The following CUX1 variants were observed in gnomAD, a reference collection of about 807,000 sequenced individuals.
CUX1 encodes the protein protein CASP.
In CUX1, 31 loss-of-function variants were observed where a neutral mutation model predicts 158.8. The ratio of observed to expected loss-of-function variants is 0.20; its 90% confidence interval spans 0.15 to 0.26. CUX1 has a LOEUF of 0.26. Ranked by LOEUF, CUX1 falls within the 10% of genes least tolerant of loss-of-function variation. The pLI is 1.00. For missense variants in CUX1, 1,589 were observed against 2,014.6 expected, an observed-to-expected ratio of 0.79 and a Z score of 4.04; for synonymous variants, 879 against 862.1, an observed-to-expected ratio of 1.02 and a Z score of -0.34.
intron 19 of CUX1, chr7:102,280,703 C>G (rs1192218480): frequency 1.6e-6 from 2 of 1,214,782 alleles, no homozygotes; most frequent in African/African-American, 3.0e-5. Flanking sequence ...GCAAGAACAG[C>G]GGGCAGGGTG....
chr7:101,960,891 C>A (rs902255495), intron 2 of CUX1: 1 of 152,188 alleles, frequency 6.6e-6, no homozygotes, highest in African/African-American at 2.4e-5. Flanking sequence ...AGTGCCAGTG[C>A]CCTGTGATTA....
intron 8 of CUX1, among the ~76,000 whole-genome samples, chr7:102,139,018 G>A (rs10280328): frequency 5.3e-5 from 8 of 152,048 alleles, no homozygotes; most frequent in African/African-American, 1.9e-4. Context: ...ATCAAGGCAG[G>A]CGGATCATTT....
At chr7:102,037,354 CTTT>C (rs769552921) in intron 3 of CUX1, among the ~76,000 whole-genome samples, 4 of 139,430 alleles carry the variant, frequency 2.9e-5, no homozygotes, top group Admixed American at 1.4e-4. Context: ...CTTTTCTTTT[CTTT>C]TTTTTTTTTT....
At chr7:101,816,415 C>T (rs1791789657), upstream of CUX1, among the ~76,000 whole-genome samples, 1 of 142,072 alleles carries the variant, frequency 7.0e-6, no homozygotes, top group Non-Finnish European at 1.6e-5. Flanking sequence ...GCGCCGCCGC[C>T]GCCGCCAGCG....
rs991837685 is a variant in CUX1 at position 102,269,491 on chromosome 7, C to T, written c.1256-3875C>T. On this transcript the variant is annotated intron_variant, in intron 14 of 22. Coordinates refer to the CUX1 transcript ENST00000292538. ...TGCCATCTCAGCTCACTGTAACCTC[C>T]GCCTCCCAGGTTCAAGCCATTCTCC... 5.9e-5 allele frequency among the ~76,000 whole-genome samples: 9 copies of T among 152,012 alleles called. No individual in the cohort carries two copies. In the East Asian group the frequency reaches 7.7e-4, roughly 13 times the overall value.
chr7:102,227,580 G>C lies in CUX1; in HGVS notation c.3344G>C (p.Ser1115Thr). ...CCTCTCTCCGGACACTCGGCCCTCA[G>C]CATCCAAGAATTAGTAGCCATGTCC... is the stretch of plus-strand genomic sequence containing the variant. ...PLPLSGHSALSIQELVAMSPE... is the reference protein window; with the variant it reads ...PLPLSGHSALTIQELVAMSPE... Residue 1115 changes from serine (S) to threonine (T), a missense_variant, in exon 21 of 24, where the codon AGC becomes ACC. Around this residue, in one of 8 missense-constraint regions of CUX1, gnomAD observed 259 missense variants for 373.8 expected, o/e 0.69. Transcript: ENST00000292535. 6.2e-7 allele frequency: 1 copy of C among 1,614,138 alleles called. No individual in the cohort carries two copies. Among genetic ancestry groups the C allele is most frequent in the Non-Finnish European group, 8.5e-7 (1 of 1,180,044 alleles).
chr7:101,949,331 C>T (rs958643968), intron 2 of CUX1, among the ~76,000 whole-genome samples: 5 of 151,822 alleles, frequency 3.3e-5, no homozygotes, highest in South Asian at 2.1e-4. Context: ...CGGGTTTCAC[C>T]GTGTTAGCCA....
intron 20 of CUX1, among the ~76,000 whole-genome samples, chr7:102,225,440 G>A (rs1254174177): frequency 2.0e-5 from 3 of 152,158 alleles, no homozygotes; most frequent in Non-Finnish European, 2.9e-5. Flanking sequence ...AAGATAAATG[G>A]TAAATTGAAG....
chr7:102,253,715 A>G lies in CUX1; in HGVS notation c.*4673A>G. On this transcript the variant is annotated 3_prime_UTR_variant, in exon 24 of 24. Coordinates refer to ENST00000292535, the MANE Select transcript of CUX1 (RefSeq NM_181552.4). ...CAGTATGACAGGCGCTTCTTGGCAG[A>G]CCAGTAAAAACAAAAGCCCATAGAC... is the stretch of plus-strand genomic sequence containing the variant. The G allele has an allele frequency of 1.0e-6, 1 of 985,442 alleles. No individual in the cohort carries two copies. Among genetic ancestry groups the G allele is most frequent in the African/African-American group, 1.7e-5 (1 of 57,366 alleles). The allele number at this position is 985,442 out of a possible 1,614,324, so 61.0% of individuals were successfully genotyped here. A position where few individuals can be genotyped will look rare whatever the true frequency, so the allele number is the denominator to read the frequency against.
At chr7:102,273,066 C>A (rs151190149) in intron 14 of CUX1, among the ~76,000 whole-genome samples, 4 of 152,344 alleles carry the variant, frequency 2.6e-5, no homozygotes, top group South Asian at 4.1e-4. Context: ...GGCAGAGCCA[C>A]ATTGCACCGG....
rs1792040888 is a variant in CUX1, at chr7:101,817,786, A to AG, written c.30+121dup. On this transcript the variant is annotated intron_variant, in intron 1 of 23. Coordinates refer to ENST00000292535, the MANE Select transcript of CUX1 (RefSeq NM_181552.4). This position sits in a 1 kb window ranked among gnomAD's most constrained non-coding sequence, Gnocchi z 4.1. The stretch of plus-strand genomic sequence containing the variant: ...CTCTAGGGCGGCCTGGTGCTCTGGG[A>AG]GGGGATAGGAGGGTTCCTCAGGGCC... The AG allele has an allele frequency of 5.0e-6, 6 of 1,205,644 alleles. No homozygotes were observed. The highest frequency in any genetic ancestry group is 5.2e-5 in the Admixed American group (2 of 38,352). The allele number at this position is 1,205,644 out of a possible 1,614,324, so 74.7% of individuals were successfully genotyped here.
At chr7:101,957,640 C>A (rs1000469720) in intron 2 of CUX1, among the ~76,000 whole-genome samples, 1 of 152,070 alleles carries the variant, frequency 6.6e-6, no homozygotes, top group Non-Finnish European at 1.5e-5. Flanking sequence ...GCAGGAGAAT[C>A]ATTTGAACCT....
At chr7:102,127,157 G>T (rs1315204452) in intron 8 of CUX1, among the ~76,000 whole-genome samples, 1 of 152,186 alleles carries the variant, frequency 6.6e-6, no homozygotes, top group African/African-American at 2.4e-5. Context: ...GCAGGCCACA[G>T]ATGTGGCCAA....
At chr7:101,939,554 A>G (rs1807441127) in intron 2 of CUX1, among the ~76,000 whole-genome samples, 1 of 151,970 alleles carries the variant, frequency 6.6e-6, no homozygotes, top group South Asian at 2.1e-4. Flanking sequence ...GTTTTGGGCC[A>G]GGTGCAGTGG....
intron 20 of CUX1, among the ~76,000 whole-genome samples, chr7:102,206,397 T>A (rs1554521205): frequency 6.6e-6 from 1 of 152,160 alleles, no homozygotes; most frequent in African/African-American, 2.4e-5. Flanking sequence ...CAAGAACTAA[T>A]CCAGCACTGG....
chr7:102,134,153 T>C (rs1326237829), intron 8 of CUX1, among the ~76,000 whole-genome samples: 1 of 152,128 alleles, frequency 6.6e-6, no homozygotes. Flanking sequence ...CTGGCCAACA[T>C]GGTGAAACCT....
chr7:101,932,740 C>A, intron 2 of CUX1: 1 of 381,068 alleles, frequency 2.6e-6, no homozygotes, highest in Non-Finnish European at 5.4e-6. Context: ...ATTGCTTTGC[C>A]GCCATCAAGA....
At chr7:101,956,227 G>C (rs1248547714) in intron 2 of CUX1, among the ~76,000 whole-genome samples, 1 of 152,010 alleles carries the variant, frequency 6.6e-6, no homozygotes, top group Admixed American at 6.6e-5. Context: ...CAGTGGTAGG[G>C]ATGAAATGCA....
At chr7:102,065,272 G>A (rs1825417093) in intron 3 of CUX1, among the ~76,000 whole-genome samples, 1 of 152,076 alleles carries the variant, frequency 6.6e-6, no homozygotes, top group East Asian at 1.9e-4. Flanking sequence ...TAGAGATAGG[G>A]TCTCACTATG....
Sources: allele counts gnomAD v4.1 joint callset (sites outside exome capture counted in the v4.1 genomes callset), GRCh38; gene constraint gnomAD v4.1.1; regional missense constraint gnomAD v4.1.1; non-coding constraint Gnocchi (gnomAD v3.1); transcripts MANE v1.5; gene names NCBI Gene and HGNC (gene_info 2026-07-23, HGNC 2026-07-21).